The following DGKB variants were observed in gnomAD, a reference collection of about 807,000 sequenced individuals.
DGKB encodes the protein 90 kDa diacylglycerol kinase.
In DGKB, 67 loss-of-function variants were observed where a neutral mutation model predicts 114.3. The ratio of observed to expected loss-of-function variants is 0.59; its 90% CI spans 0.48 to 0.72. The LOEUF is 0.72. Ranked by LOEUF, DGKB falls within the 30% of genes least tolerant of loss-of-function variation. The probability of loss-of-function intolerance (pLI) is 0.00; values close to 1 mark genes in which losing one functional copy is unlikely to be tolerated. For missense variants in DGKB, 907 were observed against 975.2 expected, an observed-to-expected ratio of 0.93 and a Z score of 0.93; for synonymous variants, 398 against 323.1, an observed-to-expected ratio of 1.23 and a Z score of -2.49.
At chr7:14,901,124 C>T (rs577333314) in intron 1 of DGKB, among the ~76,000 whole-genome samples, 4 of 152,094 alleles carry the variant, frequency 2.6e-5, no homozygotes, top group East Asian at 1.9e-4. Flanking sequence ...TGGCATGGAT[C>T]GCCTATAACA....
intron 23 of DGKB, among the ~76,000 whole-genome samples, chr7:14,199,661 A>G (rs1785538295): frequency 6.6e-6 from 1 of 152,062 alleles, no homozygotes; most frequent in South Asian, 2.1e-4. Flanking sequence ...GTGGGATTCA[A>G]TTAGTAAGTA....
intron 2 of DGKB, among the ~76,000 whole-genome samples, chr7:14,762,535 T>G (rs1835860119): frequency 6.6e-6 from 1 of 152,146 alleles, no homozygotes; most frequent in African/African-American, 2.4e-5. Flanking sequence ...CTAATAGCAT[T>G]TGGTAACGTT....
intron 23 of DGKB, among the ~76,000 whole-genome samples, chr7:14,304,041 T>A (rs997159493): frequency 2.1e-5 from 2 of 93,762 alleles, no homozygotes; most frequent in African/African-American, 8.1e-5. Flanking sequence ...CATTTGTTCT[T>A]ATAGAACACA....
chr7:14,613,567 G>A (rs987013235), intron 15 of DGKB, among the ~76,000 whole-genome samples, 154 bp from the exon 16 acceptor site: 10 of 133,382 alleles, frequency 7.5e-5, no homozygotes, highest in East Asian at 3.8e-4. Flanking sequence ...GAGTGTGTGC[G>A]TGTGTGTGCG....
intron 14 of DGKB, among the ~76,000 whole-genome samples, chr7:14,628,478 G>A (rs1585195993): frequency 6.6e-6 from 1 of 152,088 alleles, no homozygotes; most frequent in South Asian, 2.1e-4. Context: ...TATTATAAGT[G>A]ATAAGATTGT....
chr7:14,879,425 CTT>C (rs995952728), intron 1 of DGKB, among the ~76,000 whole-genome samples: 30 of 152,280 alleles, frequency 2.0e-4, no homozygotes, highest in African/African-American at 6.5e-4. Context: ...TAAAAAAACA[CTT>C]TGCTTTTCTT....
At chr7:14,321,645 A>C (rs1202951157) in intron 23 of DGKB, among the ~76,000 whole-genome samples, 1 of 151,938 alleles carries the variant, frequency 6.6e-6, no homozygotes, top group African/African-American at 2.4e-5. Flanking sequence ...TAAAAAAAGA[A>C]GGAATGAACC....
At chr7:14,785,636 C>A (rs1244226971) in intron 2 of DGKB, among the ~76,000 whole-genome samples, 1 of 152,066 alleles carries the variant, frequency 6.6e-6, no homozygotes, top group East Asian at 1.9e-4. Context: ...TGGGAGAAAG[C>A]ACATAACTGG....
At chr7:14,671,995 T>C (rs988794477) in intron 13 of DGKB, among the ~76,000 whole-genome samples, 4 of 152,116 alleles carry the variant, frequency 2.6e-5, no homozygotes, top group Non-Finnish European at 5.9e-5. Context: ...AGGTATTTTC[T>C]TTTCCTCTAT....
chr7:14,301,809 G>A (rs1267900396), intron 23 of DGKB, among the ~76,000 whole-genome samples: 1 of 152,108 alleles, frequency 6.6e-6, no homozygotes, highest in Non-Finnish European at 1.5e-5. Context: ...CTTGCCTTAT[G>A]GGTTTTCACT....
upstream of DGKB, among the ~76,000 whole-genome samples, chr7:14,905,031 T>C (rs946484845): frequency 6.6e-5 from 10 of 152,140 alleles, no homozygotes; most frequent in African/African-American, 2.4e-4. Context: ...TTGATCTTTT[T>C]GGTTATTGTT....
At chr7:14,648,546 A>G (rs1813680112) in intron 13 of DGKB, among the ~76,000 whole-genome samples, 2 of 152,170 alleles carry the variant, frequency 1.3e-5, no homozygotes, top group South Asian at 2.1e-4. Context: ...AGATGGGGAA[A>G]AAACAGAACA....
At chr7:14,395,986 A>G (rs549164630) in intron 21 of DGKB, among the ~76,000 whole-genome samples, 3 of 152,154 alleles carry the variant, frequency 2.0e-5, no homozygotes, top group South Asian at 4.1e-4. Context: ...TGCTTTCAAT[A>G]TAACTTTCCT....
Position 14,582,626 on chromosome 7 carries a change from G to A in DGKB, c.1519+426C>T, listed in dbSNP as rs112686175. On this transcript the variant is annotated intron_variant, in intron 18 of 25. Transcript: ENST00000402815. ...AATAAAAATTAGCTATGATGATGAT[G>A]ATGATGATGGATGATAACGATACAA... is the stretch of plus-strand genomic sequence containing the variant. 2.5e-3 allele frequency among the ~76,000 whole-genome samples: 381 copies of A among 152,226 alleles called. 2 individuals are homozygous for A. Among genetic ancestry groups the A allele is most frequent in the African/African-American group, 8.8e-3 (366 of 41,538 alleles).
At chr7:14,650,011 C>T (rs1332291352) in intron 13 of DGKB, among the ~76,000 whole-genome samples, 1 of 151,512 alleles carries the variant, frequency 6.6e-6, no homozygotes, top group African/African-American at 2.4e-5. Flanking sequence ...CCTGAGTGAC[C>T]TACAAAGAGA....
At chr7:14,168,570 A>T (rs1478516191) in intron 25 of DGKB, among the ~76,000 whole-genome samples, 1 of 152,252 alleles carries the variant, frequency 6.6e-6, no homozygotes, top group Non-Finnish European at 1.5e-5. Flanking sequence ...GCCTAAGAAA[A>T]ATGACGTATT....
In DGKB at chr7:14,698,114, TC is replaced by T; in HGVS notation, c.571del (p.Asp191MetfsTer12). ...MMHVAEYLEW[D>X]VTELNPILHE... ...ACCTACTGGATTAAGTTCAGTGACA[TC>T]CCACTCAAGGTATTCTGCAACATGC... On this transcript the variant is annotated frameshift_variant, in exon 8 of 26. Coordinates refer to ENST00000402815, the MANE Select transcript of DGKB (RefSeq NM_001350709.2). LOFTEE classifies it high-confidence loss of function. 6.5e-7 allele frequency: 1 copy of T among 1,549,322 alleles called. No individual in the cohort carries two copies. The highest frequency in any genetic ancestry group is 8.7e-7 in the Non-Finnish European group (1 of 1,147,982).
intron 1 of DGKB, among the ~76,000 whole-genome samples, chr7:14,852,100 C>G (rs1288863418): frequency 1.3e-5 from 2 of 152,130 alleles, no homozygotes; most frequent in South Asian, 2.1e-4. Flanking sequence ...GTAACTACAA[C>G]AAGTTACTTC....
chr7:14,719,572 C>T (rs1324042961), intron 5 of DGKB, among the ~76,000 whole-genome samples: 3 of 151,872 alleles, frequency 2.0e-5, no homozygotes, highest in Non-Finnish European at 4.4e-5. Context: ...TACTAGATTC[C>T]TAATCAACCA....
Sources: allele counts gnomAD v4.1 joint callset (sites outside exome capture counted in the v4.1 genomes callset), GRCh38; gene constraint gnomAD v4.1.1; transcripts MANE v1.5; gene names NCBI Gene and HGNC (gene_info 2026-07-23, HGNC 2026-07-21).